MMP26: variants seen among roughly 807,000 people sequenced by gnomAD.
MMP26 encodes the protein matrix metalloproteinase-26.
Under a neutral mutation model 31.0 loss-of-function variants are expected in MMP26, and 33 were observed. That is an observed-to-expected ratio of 1.06 (90% CI 0.81 to 1.42). The LOEUF is 1.42. MMP26 is among the 40% of genes most tolerant of loss of function. The probability of loss-of-function intolerance (pLI) is 0.00; values close to 1 mark genes in which losing one functional copy is unlikely to be tolerated. For missense variants in MMP26, 347 were observed against 316.1 expected, an observed-to-expected ratio of 1.10 and a Z score of -0.74; for synonymous variants, 122 against 114.9, an observed-to-expected ratio of 1.06 and a Z score of -0.40.
At position 4,820,961 on chromosome 11, in the gene MMP26, C is replaced by T. The variant is rs147507155; in HGVS notation, c.-145+53620C>T. Among the ~76,000 whole-genome samples, 21 of 152,208 alleles carry T rather than the reference C, an allele frequency of 1.4e-4. No homozygotes were observed. In the East Asian group the frequency reaches 4.1e-3, roughly 29 times the overall value. Reference sequence around the variant, plus strand: ...TGTGTCCCAGGGATTTTTTGGCATTCTTCTGGATATTTTCCAAGGAAATAT... The same window carrying T: ...TGTGTCCCAGGGATTTTTTGGCATTTTTCTGGATATTTTCCAAGGAAATAT... On this transcript the variant is annotated intron_variant, in intron 2 of 7. Coordinates refer to ENST00000380390, the MANE Select transcript of MMP26 (RefSeq NM_021801.5).
rs193167881 is a variant in MMP26, at chr11:4,889,966, G to A, written c.-144-98102G>A. ...CATAGAAGAAGTTGACAGTGTTGTC[G>A]GAGCAGGCCAGCTTCCTGACATCCT... On this transcript the variant is annotated intron_variant, in intron 2 of 7. Coordinates refer to ENST00000380390, the MANE Select transcript of MMP26 (RefSeq NM_021801.5). The A allele has an allele frequency of 5.8e-4, 95 of 163,172 alleles. No homozygotes were observed. The South Asian group carries it at 6.2e-3, about 11-fold the overall frequency. 10.1% of individuals were successfully genotyped at this position (163,172 alleles called of 1,614,324 possible).
intron 2 of MMP26, chr11:4,915,665 G>A (rs1851076865): frequency 6.2e-7 from 1 of 1,606,420 alleles, no homozygotes; most frequent in African/African-American, 1.3e-5. Flanking sequence ...CAGGGTCATT[G>A]TGTGAGGAGA....
chr11:4,946,294 G>A, intron 2 of MMP26: 1 of 1,613,796 alleles, frequency 6.2e-7, no homozygotes, highest in Admixed American at 1.7e-5. Flanking sequence ...TGAGGGGAGA[G>A]ACATGCCGGG....
chr11:4,911,285 C>T (rs1252486726), intron 2 of MMP26, among the ~76,000 whole-genome samples: 1 of 152,094 alleles, frequency 6.6e-6, no homozygotes, highest in Admixed American at 6.6e-5. Context: ...GCTTAGGATG[C>T]TATTTTTCCT....
At chr11:4,977,097 A>G (rs752394173) in intron 2 of MMP26, among the ~76,000 whole-genome samples, 5 of 152,064 alleles carry the variant, frequency 3.3e-5, no homozygotes, top group Non-Finnish European at 7.4e-5. Context: ...TATATTAAAT[A>G]AATGTATTTT....
chr11:4,867,875 A>G (rs1184074043), intron 2 of MMP26, among the ~76,000 whole-genome samples: 2 of 152,182 alleles, frequency 1.3e-5, no homozygotes. Flanking sequence ...CATTTGACCG[A>G]GAAATCCCAT....
intron 2 of MMP26, among the ~76,000 whole-genome samples, chr11:4,797,327 T>C (rs1433925): frequency 0.066 from 9,961 of 151,982 alleles, 635 homozygotes; most frequent in African/African-American, 0.17. Context: ...TAAAGTTCTG[T>C]TGGTAACTCG....
chr11:4,751,473 A>T (rs771343149), intron 1 of MMP26, among the ~76,000 whole-genome samples: 1 of 152,148 alleles, frequency 6.6e-6, no homozygotes, highest in Non-Finnish European at 1.5e-5. Context: ...AGTGAAGTGG[A>T]TGTTAAAGTT....
intron 2 of MMP26, among the ~76,000 whole-genome samples, chr11:4,800,723 C>T (rs938356845): frequency 5.9e-5 from 9 of 152,138 alleles, no homozygotes; most frequent in Non-Finnish European, 1.3e-4. Flanking sequence ...CTCTCCTTCC[C>T]TTTTAAATAT....
intron 2 of MMP26, among the ~76,000 whole-genome samples, chr11:4,854,671 C>A (rs1250166446): frequency 6.6e-6 from 1 of 152,324 alleles, no homozygotes; most frequent in East Asian, 1.9e-4. Flanking sequence ...GCAGAAACTT[C>A]TGCAGACTTA....
intron 2 of MMP26, among the ~76,000 whole-genome samples, chr11:4,986,868 C>T (rs1490136064): frequency 1.4e-5 from 2 of 141,488 alleles, no homozygotes; most frequent in Non-Finnish European, 3.0e-5. Context: ...AGTTAGGACT[C>T]ATTTCCAGAG....
At chr11:4,916,054 C>T (rs140331897) in intron 2 of MMP26, among the ~76,000 whole-genome samples, 2 of 152,078 alleles carry the variant, frequency 1.3e-5, no homozygotes, top group African/African-American at 2.4e-5. Context: ...TGCAGTGGCT[C>T]ACGCCTGTAA....
chr11:4,708,771 T>C (rs138235084), intron 1 of MMP26, among the ~76,000 whole-genome samples: 13 of 150,726 alleles, frequency 8.6e-5, no homozygotes, highest in Non-Finnish European at 1.8e-4. Context: ...TTTGCAGAAA[T>C]GGAAAATCAA....
Position 4,864,939 on chromosome 11 carries a change from TTA to T in MMP26, c.-145+97603_-145+97604del, listed in dbSNP as rs370578302. ...GTAAAAAGAATAGAGTTCGTGAGTC[TTA>T]TATACCTTGTTTTAATTCACAGTTT... On this transcript the variant is annotated intron_variant, in intron 2 of 7. Coordinates refer to ENST00000380390, the MANE Select transcript of MMP26 (RefSeq NM_021801.5). Among the ~76,000 whole-genome samples the T allele has an allele frequency of 9.7e-3, 1,476 of 152,274 alleles. 27 individuals are homozygous for T. Among genetic ancestry groups the T allele is most frequent in the African/African-American group, 0.032 (1,344 of 41,564 alleles).
intron 2 of MMP26, chr11:4,907,952 A>G (rs1373200644): frequency 2.5e-6 from 4 of 1,614,036 alleles, no homozygotes; most frequent in South Asian, 1.1e-5. Context: ...CAACAAGACC[A>G]ATGTCATCTA....
At chr11:4,868,646 C>T (rs10836856) in intron 2 of MMP26, among the ~76,000 whole-genome samples, 54,900 of 152,000 alleles carry the variant, frequency 0.36, 11,652 homozygotes, top group Non-Finnish European at 0.48. Context: ...CACTGCCCAA[C>T]GTAATTTACA....
intron 2 of MMP26, among the ~76,000 whole-genome samples, chr11:4,842,119 AT>A (rs1432335557): frequency 2.0e-5 from 3 of 152,220 alleles, no homozygotes; most frequent in Non-Finnish European, 4.4e-5. Flanking sequence ...TAAATAAAAA[AT>A]AATAGCTACA....
chr11:4,735,272 G>A (rs1848224604), intron 1 of MMP26, among the ~76,000 whole-genome samples: 1 of 152,154 alleles, frequency 6.6e-6, no homozygotes, highest in South Asian at 2.1e-4. Context: ...TGCCCTTAGA[G>A]CAATTTCCAG....
intron 2 of MMP26, among the ~76,000 whole-genome samples, chr11:4,817,593 GCAAA>G (rs375116729): frequency 3.3e-5 from 5 of 151,888 alleles, no homozygotes; most frequent in Admixed American, 2.0e-4. Flanking sequence ...TCTTAAAAAA[GCAAA>G]CAAACAAACA....
Sources: allele counts gnomAD v4.1 joint callset (sites outside exome capture counted in the v4.1 genomes callset), GRCh38; gene constraint gnomAD v4.1.1; transcripts MANE v1.5; gene names NCBI Gene and HGNC (gene_info 2026-07-23, HGNC 2026-07-21).